TENM3: variants seen among roughly 807,000 people sequenced by gnomAD.
TENM3 encodes teneurin transmembrane protein 3.
Under a neutral mutation model 255.1 loss-of-function variants are expected in TENM3, and 63 were observed. The ratio of observed to expected loss-of-function variants is 0.25; its 90% confidence interval spans 0.20 to 0.30. The LOEUF is 0.30. TENM3 is among the 10% of genes least tolerant of loss of function. TENM3 has a pLI of 1.00. For missense variants in TENM3, 2,929 were observed against 3,461.1 expected (o/e 0.85, Z 3.86); for synonymous variants, 1,306 against 1,322.3 (o/e 0.99, Z 0.27).
chr4:181,548,741 G>T, the TENM3 span, among the ~76,000 whole-genome samples: 1 of 152,104 alleles, frequency 6.6e-6, no homozygotes, highest in South Asian at 2.1e-4. Context: ...TTTTGAAATG[G>T]GAGGAGCAAG....
the TENM3 span, among the ~76,000 whole-genome samples, chr4:182,029,855 A>C: frequency 6.8e-6 from 1 of 147,138 alleles, no homozygotes; most frequent in East Asian, 1.9e-4. Context: ...GTAGTAGAAA[A>C]TTAGTTGGAT....
At chr4:181,641,550 G>GTATATATATA in the TENM3 span, among the ~76,000 whole-genome samples, 19 of 49,036 alleles carry the variant, frequency 3.9e-4, no homozygotes, top group African/African-American at 2.0e-3. Flanking sequence ...TCCATGGTGT[G>GTATATATATA]TGTGTATATA....
the TENM3 span, among the ~76,000 whole-genome samples, chr4:181,666,220 A>G: frequency 6.6e-6 from 1 of 152,196 alleles, no homozygotes; most frequent in Admixed American, 6.5e-5. Flanking sequence ...AACAAAAAAA[A>G]CTCAGAAAGA....
At chr4:182,634,643 A>G (rs964925970) in intron 5 of TENM3, among the ~76,000 whole-genome samples, 2 of 151,626 alleles carry the variant, frequency 1.3e-5, no homozygotes, top group South Asian at 2.1e-4. Context: ...GACCTACCCA[A>G]AGAAATACCT....
the TENM3 span, among the ~76,000 whole-genome samples, chr4:181,592,056 T>G: frequency 6.6e-6 from 1 of 152,086 alleles, no homozygotes; most frequent in African/African-American, 2.4e-5. Context: ...AGCGGTTGCC[T>G]AGGAAGAGCG....
chr4:182,305,082 G>C (rs1366801821), intron 1 of TENM3, among the ~76,000 whole-genome samples: 1 of 151,994 alleles, frequency 6.6e-6, no homozygotes, highest in Admixed American at 6.6e-5. Flanking sequence ...GCTTGTGAAC[G>C]TGGTATCTTT....
At chr4:182,543,820 T>C (rs888717987) in intron 3 of TENM3, among the ~76,000 whole-genome samples, 3 of 152,156 alleles carry the variant, frequency 2.0e-5, no homozygotes, top group African/African-American at 7.2e-5. Context: ...ACTGTCGCTA[T>C]AGGATAGTCG....
chr4:182,775,769 A>T (rs971860429), intron 24 of TENM3, among the ~76,000 whole-genome samples: 7 of 152,212 alleles, frequency 4.6e-5, no homozygotes, highest in Non-Finnish European at 8.8e-5. Context: ...CCAAAGACAC[A>T]GCACCTAACT....
At chr4:182,119,151 C>A in the TENM3 span, among the ~76,000 whole-genome samples, 6 of 152,116 alleles carry the variant, frequency 3.9e-5, no homozygotes, top group African/African-American at 1.4e-4. Context: ...TTCCCTCCCC[C>A]CAGGTAGATT....
chr4:182,711,925 T>G (rs1758775712), intron 12 of TENM3, among the ~76,000 whole-genome samples: 1 of 152,154 alleles, frequency 6.6e-6, no homozygotes, highest in Non-Finnish European at 1.5e-5. Flanking sequence ...TCTTCACTGT[T>G]GGCAATTCAG....
intron 3 of TENM3, among the ~76,000 whole-genome samples, chr4:182,561,947 T>G (rs1389133525): frequency 3.3e-5 from 5 of 151,798 alleles, no homozygotes; most frequent in African/African-American, 1.2e-4. Flanking sequence ...CATATATGTA[T>G]ATAAACAATA....
At chr4:181,859,817 A>G in the TENM3 span, among the ~76,000 whole-genome samples, 1 of 152,188 alleles carries the variant, frequency 6.6e-6, no homozygotes, top group African/African-American at 2.4e-5. Context: ...TATCTGAATA[A>G]CTTAACTAAT....
At chr4:182,281,756 C>T (rs1401670848) in intron 1 of TENM3, among the ~76,000 whole-genome samples, 3 of 152,060 alleles carry the variant, frequency 2.0e-5, no homozygotes, top group Non-Finnish European at 2.9e-5. Context: ...TATTTATTTT[C>T]AGACGAAGTC....
At chr4:182,163,410 G>T (rs1199855678) in intron 1 of TENM3, among the ~76,000 whole-genome samples, 1 of 152,144 alleles carries the variant, frequency 6.6e-6, no homozygotes, top group African/African-American at 2.4e-5. Context: ...TAGGTACAGT[G>T]TGCCTCACAC....
At chr4:181,890,970 G>A in the TENM3 span, among the ~76,000 whole-genome samples, 2 of 152,092 alleles carry the variant, frequency 1.3e-5, no homozygotes, top group African/African-American at 4.8e-5. Context: ...TCTTACCCCA[G>A]TTCAGTTCTA....
chr4:182,491,682 A>G (rs1735313530), intron 3 of TENM3, among the ~76,000 whole-genome samples: 1 of 152,168 alleles, frequency 6.6e-6, no homozygotes, highest in Non-Finnish European at 1.5e-5. Context: ...GTTGATTATA[A>G]GAAGTCCCAA....
intron 3 of TENM3, among the ~76,000 whole-genome samples, chr4:182,578,070 A>G (rs1745112285): frequency 6.6e-6 from 1 of 151,586 alleles, no homozygotes; most frequent in South Asian, 2.1e-4. Flanking sequence ...TCCACCTCCC[A>G]GGTTCAAGCA....
the TENM3 span, among the ~76,000 whole-genome samples, chr4:181,589,488 G>A: frequency 6.6e-6 from 1 of 152,154 alleles, no homozygotes; most frequent in Non-Finnish European, 1.5e-5. Flanking sequence ...ACATGGTAAG[G>A]TAAACACTTA....
At chr4:182,638,353 G>A (rs1263882451) in intron 5 of TENM3, among the ~76,000 whole-genome samples, 2 of 152,146 alleles carry the variant, frequency 1.3e-5, no homozygotes, top group Non-Finnish European at 2.9e-5. Context: ...ACAGATGTGT[G>A]TGTCTGTATC....
Sources: gnomAD v4.1 joint callset for allele counts (sites outside exome capture counted in the v4.1 genomes callset) on GRCh38, gnomAD v4.1.1 for gene constraint, MANE v1.5 for transcripts, NCBI Gene and HGNC (gene_info 2026-07-23, HGNC 2026-07-21) for gene names.